Variants in SNX19 observed in about 807,000 individuals in gnomAD.
SNX19 encodes the protein sorting nexin 19.
In SNX19, 60 loss-of-function variants were observed where a neutral mutation model predicts 85.2. The observed-to-expected ratio is 0.70, with a 90% CI of 0.57 to 0.87. The LOEUF (loss-of-function observed/expected upper bound fraction) is 0.87. SNX19 is among the 40% of genes least tolerant of loss of function. The pLI, the probability that SNX19 is intolerant of heterozygous loss-of-function variation, is 0.00. For missense variants in SNX19, 1,201 were observed against 1,217.8 expected (o/e 0.99, Z 0.21); for synonymous variants, 520 against 470.0 (o/e 1.11, Z -1.38).
rs1370480489 is a variant in SNX19 at position 130,914,426 on chromosome 11, G to A, written c.1514C>T (p.Ser505Phe). The change falls in exon 1 of 11, where the codon TCC becomes TTC. Residue 505 changes from serine (S) to phenylalanine (F), a missense_variant. Physicochemically the swap from Ser to Phe is radical, Grantham distance 155 (BLOSUM62 -2). Transcript: ENST00000265909. ...TGAGCTGAGAGGACCAGGTGGAGAG[G>A]AGGAAAGCAGAACTGGTGGCAGAGT... ...DPTLPPVLLS[S>F]SPPGPLSSAT... 1 of 1,613,848 alleles carries A rather than the reference G, an allele frequency of 6.2e-7. No homozygotes were observed. Among genetic ancestry groups the A allele is most frequent in the African/African-American group, 1.3e-5 (1 of 74,924 alleles).
At position 130,910,314 on chromosome 11, in the gene SNX19, C is replaced by A. The variant is rs1237085334; in HGVS notation, c.1870G>T (p.Asp624Tyr). ...AGGCTCTTACGGGCTTCTACTCTGT[C>A]ACTGTCCATGTTTCCCAATGGAAGA... ...PDLPLGNMDS[D>Y]RVEARKSLLE... Residue 624 changes from aspartate to tyrosine, a missense_variant, in exon 3 of 11, where the codon GAC (aspartate) becomes TAC (tyrosine). Coordinates refer to ENST00000265909, the MANE Select transcript of SNX19 (RefSeq NM_014758.3). 6.2e-7 allele frequency: 1 copy of A among 1,612,992 alleles called. No homozygotes were observed. The highest frequency in any genetic ancestry group is 2.2e-5 in the East Asian group (1 of 44,868).
chr11:130,888,699 T>C (rs1463922903), intron 8 of SNX19, among the ~76,000 whole-genome samples: 1 of 152,208 alleles, frequency 6.6e-6, no homozygotes, highest in Non-Finnish European at 1.5e-5. Flanking sequence ...AGGCAAGATA[T>C]CTGTGCATCT....
At chr11:130,909,828 C>T (rs1945954822) in intron 4 of SNX19, among the ~76,000 whole-genome samples, 190 bp downstream of exon 4, 1 of 152,194 alleles carries the variant, frequency 6.6e-6, no homozygotes, top group Admixed American at 6.5e-5. Flanking sequence ...TCCTGTGATT[C>T]AGCAAGCTGA....
At chr11:130,895,303 TC>T in intron 8 of SNX19, 2 of 968,112 alleles carry the variant, frequency 2.1e-6, no homozygotes, top group South Asian at 9.5e-5. Context: ...AATGAAAGAC[TC>T]AGTTTCCATT....
intron 8 of SNX19, among the ~76,000 whole-genome samples, chr11:130,883,992 G>A (rs1943873664): frequency 6.6e-6 from 1 of 152,164 alleles, no homozygotes; most frequent in Non-Finnish European, 1.5e-5. Context: ...GTAAATGGCT[G>A]TATATTCAGG....
chr11:130,906,539 C>T (rs1945683961), intron 6 of SNX19, 86 bp downstream of exon 6: 9 of 942,724 alleles, frequency 9.5e-6, no homozygotes, highest in Non-Finnish European at 1.5e-5. Flanking sequence ...ACATTTCTGA[C>T]TTCAGAGAAT....
In SNX19 at chr11:130,873,101, C is replaced by T. The variant is rs1324685139; in HGVS notation, c.*5321G>A. Among the ~76,000 whole-genome samples, 2 of 152,164 alleles carry T rather than the reference C, an allele frequency of 1.3e-5. No homozygotes were observed. The highest frequency in any genetic ancestry group is 1.5e-5 in the Non-Finnish European group (1 of 68,014). On this transcript the variant is annotated 3_prime_UTR_variant, in exon 11 of 11. Coordinates refer to ENST00000265909, the MANE Select transcript of SNX19 (RefSeq NM_014758.3). Reference sequence around the variant, plus strand: ...TCCGGACCTATTGAATCAAAATTTGCATTTTAACCCGATCCCACGTGAATC... The same window carrying T: ...TCCGGACCTATTGAATCAAAATTTGTATTTTAACCCGATCCCACGTGAATC...
rs551529555 is a variant in SNX19 at position 130,915,354 on chromosome 11, T to C, written c.586A>G (p.Thr196Ala). The C allele has an allele frequency of 1.8e-5, 29 of 1,614,164 alleles. No homozygotes were observed. The South Asian group carries it at 3.2e-4, about 18-fold the overall frequency. The change falls in exon 1 of 11, where the codon ACT becomes GCT. Residue 196 changes from threonine to alanine, a missense_variant. Transcript: ENST00000265909. ...CTGTGCACAGCAGGATGTGGGGCAG[T>C]CGCCCGGCAGTAAGCCTCCCAGAGG... Reference protein sequence around the residue: ...SHLWEAYCRATAPHPAVHSPS... With the variant: ...SHLWEAYCRAAAPHPAVHSPS...
intron 5 of SNX19, 70 bp downstream of exon 5, chr11:130,907,883 G>A (rs184603001): frequency 7.5e-5 from 119 of 1,593,446 alleles, no homozygotes; most frequent in Non-Finnish European, 9.9e-5. Flanking sequence ...AATAGGGTGA[G>A]TGTTGGCTGA....
intron 7 of SNX19, among the ~76,000 whole-genome samples, chr11:130,905,099 C>A (rs1945560868): frequency 6.6e-6 from 1 of 152,192 alleles, no homozygotes; most frequent in African/African-American, 2.4e-5. Context: ...AGGGCTTTAT[C>A]TTGATGGAAC....
intron 8 of SNX19, among the ~76,000 whole-genome samples, chr11:130,885,632 A>G (rs1375860605): frequency 2.0e-5 from 3 of 152,256 alleles, no homozygotes; most frequent in Non-Finnish European, 4.4e-5. Flanking sequence ...GAAAATATTC[A>G]TAAGATCCAC....
At position 130,879,362 on chromosome 11, in the gene SNX19, A is replaced by G. The variant is rs529882564; in HGVS notation, c.2846+262T>C. 1.5e-3 allele frequency among the ~76,000 whole-genome samples: 231 copies of G among 152,296 alleles called. 1 individual carries two copies. Among genetic ancestry groups the G allele is most frequent in the Middle Eastern group, 0.014 (4 of 294 alleles). On this transcript the variant is annotated intron_variant, in intron 10 of 10. Coordinates refer to ENST00000265909, the MANE Select transcript of SNX19 (RefSeq NM_014758.3). ...TTCAGCAGCTCATGTGGGGGCCTGC[A>G]TAGAGTTCTTCCAAACACAAATGGT...
chr11:130,881,698 G>A (rs1340479833), intron 8 of SNX19, among the ~76,000 whole-genome samples: 1 of 152,232 alleles, frequency 6.6e-6, no homozygotes, highest in African/African-American at 2.4e-5. Context: ...TGCCTGAAGA[G>A]CAAGTCTCAA....
chr11:130,896,967 A>T (rs1256550957), intron 8 of SNX19, among the ~76,000 whole-genome samples: 2 of 151,160 alleles, frequency 1.3e-5, no homozygotes, highest in East Asian at 4.0e-4. Flanking sequence ...GGAGCGTTCT[A>T]AGAGAACAGT....
At chr11:130,894,197 G>T (rs3794140) in intron 8 of SNX19, among the ~76,000 whole-genome samples, 83,979 of 151,942 alleles carry the variant, frequency 0.55, 23,635 homozygotes, top group Non-Finnish European at 0.59. Context: ...AGTTTATACA[G>T]AATATTAACA....
chr11:130,880,833 A>C (rs764981159), intron 8 of SNX19, 27 bp from the exon 9 acceptor site: 26 of 1,516,934 alleles, frequency 1.7e-5, no homozygotes, highest in Non-Finnish European at 2.2e-5. Flanking sequence ...ACGAAAGCTT[A>C]GATAAAGCTG....
At position 130,868,104 on chromosome 11, in the gene SNX19, G is replaced by A. The variant is rs150184981; in HGVS notation, c.*10318C>T. The A allele has an allele frequency of 6.6e-6, 1 of 152,296 alleles. No homozygotes were observed. Among genetic ancestry groups the A allele is most frequent in the African/African-American group, 2.4e-5 (1 of 41,558 alleles). The allele number at this position is 152,296 out of a possible 1,614,324, so 9.4% of individuals were successfully genotyped here. ...AGTTAAACAGACACAATCTGGATGAGTCTCAAAGATAGTAAGAATCACCTG... is the reference window on the plus strand; with the variant it reads ...AGTTAAACAGACACAATCTGGATGAATCTCAAAGATAGTAAGAATCACCTG... On this transcript the variant is annotated 3_prime_UTR_variant, in exon 11 of 11. Coordinates refer to ENST00000265909, the MANE Select transcript of SNX19 (RefSeq NM_014758.3).
At position 130,914,402 on chromosome 11, in the gene SNX19, G is replaced by T. The variant is rs377627916; in HGVS notation, c.1538C>A (p.Ser513Ter). Residue 513 changes from serine to a stop codon, truncating the protein, a stop_gained, in exon 1 of 11, where the codon TCA becomes TAA. Transcript: ENST00000265909. LOFTEE classifies it high-confidence loss of function. ...LSSSPPGPLS[S>*]ATFSFEPLSS... ...TAGGGGCTCAAAGCTGAAGGTGGCT[G>T]AGCTGAGAGGACCAGGTGGAGAGGA... The T allele has an allele frequency of 1.2e-6, 2 of 1,613,966 alleles. No homozygotes were observed. Among genetic ancestry groups the T allele is most frequent in the Non-Finnish European group, 1.7e-6 (2 of 1,179,874 alleles).
chr11:130,889,305 CTT>C (rs565990876), intron 8 of SNX19, among the ~76,000 whole-genome samples: 335 of 152,130 alleles, frequency 2.2e-3, no homozygotes, highest in African/African-American at 6.9e-3. Flanking sequence ...GATGCTGACT[CTT>C]TTTCTTCCTC....
Sources: allele counts gnomAD v4.1 joint callset (sites outside exome capture counted in the v4.1 genomes callset), GRCh38; gene constraint gnomAD v4.1.1; transcripts MANE v1.5; gene names NCBI Gene and HGNC (gene_info 2026-07-23, HGNC 2026-07-21).